The following ANO10 variants were observed in gnomAD, a reference collection of about 807,000 sequenced individuals.
The protein encoded by ANO10 is anoctamin-10.
A neutral mutation model predicts 74.7 loss-of-function variants in ANO10; 77 were observed. The ratio of observed to expected loss-of-function variants is 1.03; its 90% CI spans 0.86 to 1.25. The LOEUF (loss-of-function observed/expected upper bound fraction) is 1.25. ANO10 is among the 50% of genes most tolerant of loss of function. The pLI is 0.00. For synonymous variants in ANO10, 279 were observed against 284.9 expected, an observed-to-expected ratio of 0.98 and a Z score of 0.21; for missense variants, 721 against 778.1, an observed-to-expected ratio of 0.93 and a Z score of 0.87.
Position 43,605,793 on chromosome 3 carries a change from GA to G in ANO10, c.59del (p.Val20AlafsTer2), listed in dbSNP as rs766074499. ...TSESSFTPLVVIELAQDVKEE... is the reference protein window; with the variant it reads ...TSESSFTPLVXIELAQDVKEE... ...CTTTGACATCCTGAGCAAGTTCTATGACCACCAAAGGTGTGAAAGAACTCTC... is the reference window on the plus strand; with the variant it reads ...CTTTGACATCCTGAGCAAGTTCTATGCCACCAAAGGTGTGAAAGAACTCTC... On this transcript the variant is annotated frameshift_variant, in exon 2 of 13. Transcript: ENST00000292246. LOFTEE classifies it high-confidence loss of function. 5.6e-6 allele frequency: 9 copies of G among 1,613,524 alleles called. No homozygotes were observed. The South Asian group carries it at 9.9e-5, about 18-fold the overall frequency.
At chr3:43,598,438 G>A (rs2082187728) in intron 4 of ANO10, 94 bp downstream of exon 4, 1 of 1,243,892 alleles carries the variant, frequency 8.0e-7, no homozygotes, top group Non-Finnish European at 1.1e-6. Flanking sequence ...GTTATTGTAA[G>A]TTTGTGTAAG....
chr3:43,523,041 A>G (rs2078028641), intron 11 of ANO10, among the ~76,000 whole-genome samples: 1 of 152,236 alleles, frequency 6.6e-6, no homozygotes, highest in Non-Finnish European at 1.5e-5. Context: ...GGCATCTGCC[A>G]TGAGGTCAGA....
intron 11 of ANO10, among the ~76,000 whole-genome samples, chr3:43,544,231 C>T (rs535615251): frequency 7.2e-5 from 11 of 151,972 alleles, no homozygotes; most frequent in Admixed American, 2.6e-4. Flanking sequence ...TTTATGACAC[C>T]GCCAGTATTT....
chr3:43,485,015 T>A, intron 11 of ANO10: 1 of 1,466,528 alleles, frequency 6.8e-7, no homozygotes, highest in East Asian at 2.4e-5. Context: ...GCGTGGCTTG[T>A]GCTGACGGCT....
chr3:43,593,003 G>A (rs1210232530), intron 4 of ANO10, among the ~76,000 whole-genome samples: 1 of 152,098 alleles, frequency 6.6e-6, no homozygotes, highest in Non-Finnish European at 1.5e-5. Flanking sequence ...TGGAAGAAAG[G>A]GTATCAGTGA....
intron 11 of ANO10, among the ~76,000 whole-genome samples, chr3:43,471,046 T>C (rs911447516): frequency 5.3e-5 from 8 of 152,224 alleles, no homozygotes; most frequent in African/African-American, 1.9e-4. Context: ...TGTTACATCA[T>C]TAAACAGATA....
At chr3:43,390,367 G>A (rs1456469471) in intron 12 of ANO10, among the ~76,000 whole-genome samples, 1 of 152,230 alleles carries the variant, frequency 6.6e-6, no homozygotes, top group Admixed American at 6.5e-5. Flanking sequence ...AATCACAGAT[G>A]CCTCTCTTGG....
rs773557659 is a variant in ANO10, at chr3:43,577,062, G to A, written c.792C>T (p.Gly264=). ...CCCACCTGTAGGTCATGTTGGCACAGCCACGCTTCCACAGTTCCAGAATCA... is the reference window on the plus strand; with the variant it reads ...CCCACCTGTAGGTCATGTTGGCACAACCACGCTTCCACAGTTCCAGAATCA... ...STVILELWKR[G]CANMTYRWGT... The change falls in exon 6 of 13, where the codon GGC becomes GGT. Residue 264 remains glycine, a synonymous_variant. Transcript: ENST00000292246. 9 of 1,614,076 alleles carry A rather than the reference G, an allele frequency of 5.6e-6. No homozygotes were observed. The highest frequency in any genetic ancestry group is 1.3e-5 in the African/African-American group (1 of 74,902).
chr3:43,558,301 C>A (rs917813385), intron 9 of ANO10, among the ~76,000 whole-genome samples: 13 of 152,230 alleles, frequency 8.5e-5, no homozygotes, highest in Middle Eastern at 3.4e-3. Flanking sequence ...ATTTACTGTG[C>A]AGCAATATGA....
At chr3:43,495,770 G>A (rs542127320) in intron 11 of ANO10, among the ~76,000 whole-genome samples, 69 of 151,938 alleles carry the variant, frequency 4.5e-4, no homozygotes, top group African/African-American at 1.2e-3. Flanking sequence ...GCGCAATCTC[G>A]GCTCACTGCA....
intron 11 of ANO10, among the ~76,000 whole-genome samples, chr3:43,455,960 G>A (rs985393004): frequency 2.0e-5 from 3 of 152,078 alleles, no homozygotes; most frequent in African/African-American, 4.8e-5. Flanking sequence ...AAAGACTTGC[G>A]TTAACTCTAA....
intron 11 of ANO10, among the ~76,000 whole-genome samples, chr3:43,545,640 A>C (rs2079156877): frequency 6.6e-6 from 1 of 152,206 alleles, no homozygotes; most frequent in South Asian, 2.1e-4. Flanking sequence ...TGCTGAGATT[A>C]CAGGCATGAG....
At chr3:43,633,995 CAAAA>C (rs5848667) in intron 1 of ANO10, among the ~76,000 whole-genome samples, 3 of 124,032 alleles carry the variant, frequency 2.4e-5, no homozygotes, top group Admixed American at 1.6e-4. Context: ...TCATGGACAG[CAAAA>C]AAAAAAAAAA....
At chr3:43,452,346 C>T (rs2074916346) in intron 11 of ANO10, among the ~76,000 whole-genome samples, 1 of 152,172 alleles carries the variant, frequency 6.6e-6, no homozygotes, top group Non-Finnish European at 1.5e-5. Flanking sequence ...TTTCCAATCC[C>T]TTATCTCCCG....
At chr3:43,532,422 A>T (rs1056420086) in intron 11 of ANO10, among the ~76,000 whole-genome samples, 4 of 152,208 alleles carry the variant, frequency 2.6e-5, no homozygotes, top group African/African-American at 7.2e-5. Flanking sequence ...GAAAGAAATA[A>T]TCTGACTAGG....
chr3:43,571,270 A>G lies in ANO10; in HGVS notation c.1218+3539T>C, dbSNP rs916365788. Among the ~76,000 whole-genome samples the G allele has an allele frequency of 1.1e-4, 17 of 152,278 alleles. 1 individual carries two copies. The highest frequency in any genetic ancestry group is 4.1e-4 in the South Asian group (2 of 4,826). The stretch of plus-strand genomic sequence containing the variant: ...AACTAGTTCAACCATTGTGGAAGTC[A>G]GTGTGGCGACTCCTCAGGGATCTAG... On this transcript the variant is annotated intron_variant, in intron 7 of 12. Transcript: ENST00000292246.
At chr3:43,511,619 C>A (rs919456343) in intron 11 of ANO10, among the ~76,000 whole-genome samples, 1 of 152,102 alleles carries the variant, frequency 6.6e-6, no homozygotes, top group African/African-American at 2.4e-5. Context: ...CTTGTAGCTC[C>A]CACCTTAGTA....
At chr3:43,667,921 A>AT (rs2084011717) in intron 1 of ANO10, among the ~76,000 whole-genome samples, 1 of 152,164 alleles carries the variant, frequency 6.6e-6, no homozygotes, top group Non-Finnish European at 1.5e-5. Context: ...GTATCTTTTT[A>AT]TATAATGACT....
intron 12 of ANO10, among the ~76,000 whole-genome samples, chr3:43,429,674 T>A (rs1172838145): frequency 6.6e-6 from 1 of 152,168 alleles, no homozygotes; most frequent in Non-Finnish European, 1.5e-5. Context: ...TAAAATCTTT[T>A]AGTCATAAAT....
Sources: gnomAD v4.1 joint callset for allele counts (sites outside exome capture counted in the v4.1 genomes callset) on GRCh38, gnomAD v4.1.1 for gene constraint, MANE v1.5 for transcripts, NCBI Gene and HGNC (gene_info 2026-07-23, HGNC 2026-07-21) for gene names.